CRABP2: variants seen among roughly 807,000 people sequenced by gnomAD.
CRABP2 encodes the protein cellular retinoic acid binding protein 2.
In CRABP2, 20 loss-of-function variants were observed where a neutral mutation model predicts 17.9. The ratio of observed to expected loss-of-function variants is 1.12; its 90% CI spans 0.79 to 1.63. The LOEUF (loss-of-function observed/expected upper bound fraction) is 1.63. Ranked by LOEUF, CRABP2 falls within the 40% of genes most tolerant of loss-of-function variation. The pLI, the probability that CRABP2 is intolerant of heterozygous loss-of-function variation, is 0.00. For missense variants in CRABP2, 151 were observed against 168.6 expected (o/e 0.90, Z 0.58); for synonymous variants, 76 against 66.4 (o/e 1.14, Z -0.70).
intron 1 of CRABP2, among the ~76,000 whole-genome samples, chr1:156,703,798 C>A (rs529447063): frequency 5.3e-5 from 8 of 152,300 alleles, no homozygotes; most frequent in African/African-American, 1.7e-4. Context: ...TGTGCCAGGA[C>A]CGAAGTTCCT....
chr1:156,703,504 G>C (rs1274842637), intron 1 of CRABP2, among the ~76,000 whole-genome samples: 1 of 152,186 alleles, frequency 6.6e-6, no homozygotes, highest in South Asian at 2.1e-4. Flanking sequence ...TGCACTAGGC[G>C]GGGGTGAAAG....
chr1:156,700,775 G>A (rs1648007920), intron 2 of CRABP2, 99 bp downstream of exon 2: 1 of 1,527,934 alleles, frequency 6.5e-7, no homozygotes, highest in Non-Finnish European at 9.0e-7. Flanking sequence ...TTCCCTACTG[G>A]GACAGAGAGA....
At chr1:156,700,112 C>T (rs769738635) in intron 3 of CRABP2, 36 bp from the exon 4 acceptor site, 1 of 1,606,760 alleles carries the variant, frequency 6.2e-7, no homozygotes, top group Non-Finnish European at 8.5e-7. Context: ...CCTGAGAGGC[C>T]CCTGGGGTCC....
chr1:156,700,433 G>A (rs965477302), intron 3 of CRABP2, 109 bp downstream of exon 3: 50 of 835,734 alleles, frequency 6.0e-5, no homozygotes, highest in African/African-American at 3.3e-4. Flanking sequence ...TCAGCAGGGT[G>A]CGGAGTCCAG....
Position 156,705,409 on chromosome 1 carries a change from G to T in CRABP2, c.38C>A (p.Ser13Ter). Residue 13 changes from serine to a stop codon, truncating the protein, a stop_gained, in exon 1 of 4, where the codon TCG becomes TAG. Transcript: ENST00000368222. LOFTEE classifies it high-confidence loss of function. The surrounding 1 kb of genome is among the most constrained non-coding windows in gnomAD (Gnocchi z 5.2). ...TTTGAGCAATTCCTCGAAGTTTTCC[G>T]ATCGGATGATTTTCCAGTTGCCAGA... is the stretch of plus-strand genomic sequence containing the variant. ...NFSGNWKIIR[S>*]ENFEELLKVL... 1 of 1,614,084 alleles carries T rather than the reference G, an allele frequency of 6.2e-7. No homozygotes were observed. The highest frequency in any genetic ancestry group is 8.5e-7 in the Non-Finnish European group (1 of 1,180,014).
chr1:156,700,966 T>C lies in CRABP2; in HGVS notation c.157A>G (p.Ile53Val). 1 of 1,614,148 alleles carries C rather than the reference T, an allele frequency of 6.2e-7. No homozygotes were observed. The highest frequency in any genetic ancestry group is 8.5e-7 in the Non-Finnish European group (1 of 1,180,012). ...EIKQEGDTFY[I>V]KTSTTVRTTE... ...GTGCGCACGGTGGTGGAGGTTTTGA[T>C]GTAGAAAGTGTCTCCCTCCTGTTTG... Residue 53 changes from isoleucine (I) to valine (V), a missense_variant, in exon 2 of 4, where the codon ATC becomes GTC. Coordinates refer to ENST00000368222, the MANE Select transcript of CRABP2 (RefSeq NM_001878.4).
chr1:156,704,951 G>T (rs368060292), intron 1 of CRABP2, among the ~76,000 whole-genome samples: 4 of 152,274 alleles, frequency 2.6e-5, no homozygotes, highest in African/African-American at 9.6e-5. Context: ...CACCGGGAAG[G>T]AGATTGGAAT....
Position 156,700,150 on chromosome 1 carries a change from G to A in CRABP2, c.367-74C>T, listed in dbSNP as rs1647984639. On this transcript the variant is annotated intron_variant, in intron 3 of 3. Transcript: ENST00000368222. ...TGGCTTTGGAGAGGAGGGTTGAATG[G>A]AGGTACTCTGCTTGGCCTCCAGGTC... The A allele has an allele frequency of 3.3e-6, 5 of 1,495,182 alleles. No individual in the cohort carries two copies. The Admixed American group carries it at 9.3e-5, about 28-fold the overall frequency. The allele number at this position is 1,495,182 out of a possible 1,614,324, so 92.6% of individuals were successfully genotyped here. A position where few individuals can be genotyped will look rare whatever the true frequency, so the allele number is the denominator to read the frequency against.
At chr1:156,703,392 G>T (rs4387174) in intron 1 of CRABP2, among the ~76,000 whole-genome samples, 1 of 152,160 alleles carries the variant, frequency 6.6e-6, no homozygotes, top group African/African-American at 2.4e-5. Context: ...AAAGGAAGAC[G>T]TGCAGAGCAG....
intron 1 of CRABP2, among the ~76,000 whole-genome samples, chr1:156,703,170 A>G (rs4457570): frequency 0.52 from 79,491 of 151,822 alleles, 22,250 homozygotes; most frequent in Non-Finnish European, 0.62. Flanking sequence ...CTGTGAGAAG[A>G]AGGAATAGAA....
chr1:156,700,460 G>T, intron 3 of CRABP2, 82 bp downstream of exon 3: 1 of 1,120,666 alleles, frequency 8.9e-7, no homozygotes. Context: ...TTGTTCTTGA[G>T]TCTCCTGCAC....
At chr1:156,705,669 C>T (rs1648174779), upstream of CRABP2, 1 of 409,386 alleles carries the variant, frequency 2.4e-6, no homozygotes, top group Non-Finnish European at 4.3e-6. This position sits in a 1 kb window ranked among gnomAD's most constrained non-coding sequence, Gnocchi z 5.2. Context: ...TCCCGCTCCG[C>T]CCCCCCCCAC....
Position 156,699,924 on chromosome 1 carries a change from G to C in CRABP2, c.*102C>G. The C allele has an allele frequency of 7.9e-7, 1 of 1,260,644 alleles. No homozygotes were observed. The highest frequency in any genetic ancestry group is 2.5e-5 in the East Asian group (1 of 39,274). 78.1% of individuals were successfully genotyped at this position (1,260,644 alleles called of 1,614,324 possible). On this transcript the variant is annotated 3_prime_UTR_variant, in exon 4 of 4. Transcript: ENST00000368222. ...CCCCCAGAAGTGACTGGGGTAAGGG[G>C]AGCGCTATCCTAGAAGGAGGGGGTG...
chr1:156,701,111 C>G (rs1648020056), intron 1 of CRABP2, 59 bp from the exon 2 acceptor site: 1 of 1,571,010 alleles, frequency 6.4e-7, no homozygotes, highest in African/African-American at 1.3e-5. Flanking sequence ...CTCTCACACC[C>G]TCCCCATAAG....
In CRABP2 at chr1:156,701,065, A is replaced by AGG. The variant is rs1265009683; in HGVS notation, c.71-15_71-14dup. On this transcript the variant is annotated splice_polypyrimidine_tract_variant and intron_variant, in intron 1 of 3. Transcript: ENST00000368222. ...ATCACATTCACCCCTGTGGGGAGAG[A>AGG]GGAGAGGCTCACCTTTTAGGGGCCT... The AGG allele has an allele frequency of 1.2e-6, 2 of 1,612,830 alleles. No individual in the cohort carries two copies. The highest frequency in any genetic ancestry group is 2.7e-5 in the African/African-American group (2 of 74,872).
intron 1 of CRABP2, among the ~76,000 whole-genome samples, chr1:156,703,635 C>T (rs1411637496): frequency 6.6e-6 from 1 of 152,154 alleles, no homozygotes; most frequent in Non-Finnish European, 1.5e-5. Flanking sequence ...AGCATACCTA[C>T]CCTACTGCAA....
rs565118852 is a variant in CRABP2, at chr1:156,699,833, T to A, written c.*193A>T. The A allele has an allele frequency of 3.8e-5, 21 of 556,188 alleles. No individual in the cohort carries two copies. In the East Asian group the frequency reaches 6.4e-4, roughly 17 times the overall value. 34.5% of individuals were successfully genotyped at this position (556,188 alleles called of 1,614,324 possible). A position where few individuals can be genotyped will look rare whatever the true frequency, so the allele number is the denominator to read the frequency against. On this transcript the variant is annotated 3_prime_UTR_variant, in exon 4 of 4. Coordinates refer to ENST00000368222, the MANE Select transcript of CRABP2 (RefSeq NM_001878.4). ...TCTGGGCTCTTGCAGCCATTCCTCT[T>A]TGTTGGTGTAGGGGAGGAGAGAAGA...
Position 156,700,498 on chromosome 1 carries a change from G to A in CRABP2, c.366+44C>T, listed in dbSNP as rs762111785. The A allele has an allele frequency of 6.8e-6, 10 of 1,470,634 alleles. No homozygotes were observed. The Admixed American group carries it at 1.7e-4, about 25-fold the overall frequency. 91.1% of individuals were successfully genotyped at this position (1,470,634 alleles called of 1,614,324 possible). ...TGGGGTCTCCCAGAGAATCTTGGAA[G>A]GTAGCACTGGGTTTGCTATTAGTGG... On this transcript the variant is annotated intron_variant, in intron 3 of 3. Coordinates refer to ENST00000368222, the MANE Select transcript of CRABP2 (RefSeq NM_001878.4).
Position 156,705,492 on chromosome 1 carries a change from A to T in CRABP2, c.-46T>A. ...TCCCCGTAGACTCCTAGGCTGGAGC[A>T]CTGGACACTGTCTTTTAGTCAAAAG... On this transcript the variant is annotated 5_prime_UTR_variant, in exon 1 of 4. Coordinates refer to ENST00000368222, the MANE Select transcript of CRABP2 (RefSeq NM_001878.4). The surrounding 1 kb of genome is among the most constrained non-coding windows in gnomAD (Gnocchi z 5.2). 6.3e-7 allele frequency: 1 copy of T among 1,596,696 alleles called. No individual in the cohort carries two copies. The highest frequency in any genetic ancestry group is 8.6e-7 in the Non-Finnish European group (1 of 1,165,116).
Sources: gnomAD v4.1 joint callset for allele counts (sites outside exome capture counted in the v4.1 genomes callset) on GRCh38, gnomAD v4.1.1 for gene constraint, Gnocchi (gnomAD v3.1) non-coding constraint, MANE v1.5 for transcripts, NCBI Gene and HGNC (gene_info 2026-07-23, HGNC 2026-07-21) for gene names.